LUZP2: variants seen among roughly 807,000 people sequenced by gnomAD.
The protein encoded by LUZP2 is leucine zipper protein 2.
A neutral mutation model predicts 51.6 loss-of-function variants in LUZP2; 52 were observed. That is an observed-to-expected ratio of 1.01 (90% confidence interval 0.81 to 1.27). The LOEUF (loss-of-function observed/expected upper bound fraction) is 1.27, where lower values mean the gene tolerates loss of function less well. Among genes scored for constraint, LUZP2 ranks in the 50% most tolerant of loss-of-function variants. The pLI, the probability that LUZP2 is intolerant of heterozygous loss-of-function variation, is 0.00. For missense variants in LUZP2, 436 were observed against 395.4 expected (o/e 1.10, Z -0.87); for synonymous variants, 154 against 137.3 (o/e 1.12, Z -0.85).
At chr11:24,973,565 G>T (rs1258170984) in intron 7 of LUZP2, among the ~76,000 whole-genome samples, 1 of 151,422 alleles carries the variant, frequency 6.6e-6, no homozygotes, top group Non-Finnish European at 1.5e-5. Flanking sequence ...TACTTTTTTT[G>T]ACGTGGGCTT....
At chr11:24,781,150 T>C (rs1452299400) in intron 5 of LUZP2, among the ~76,000 whole-genome samples, 1 of 152,104 alleles carries the variant, frequency 6.6e-6, no homozygotes, top group Non-Finnish European at 1.5e-5. Context: ...CTACCTCTTA[T>C]TTTTATTTCA....
intron 1 of LUZP2, among the ~76,000 whole-genome samples, chr11:24,513,301 T>C (rs1230150152): frequency 6.6e-6 from 1 of 152,166 alleles, no homozygotes; most frequent in Non-Finnish European, 1.5e-5. Flanking sequence ...CTTGATCATA[T>C]CTTAGCTAAA....
intron 5 of LUZP2, among the ~76,000 whole-genome samples, chr11:24,828,920 A>T (rs1272601324): frequency 6.6e-6 from 1 of 152,208 alleles, no homozygotes; most frequent in Admixed American, 6.5e-5. Context: ...CTCTGCAGGT[A>T]GGAGAGGGAC....
intron 9 of LUZP2, among the ~76,000 whole-genome samples, chr11:25,014,718 G>T (rs968827867): frequency 3.9e-5 from 6 of 152,128 alleles, no homozygotes; most frequent in Non-Finnish European, 8.8e-5. Flanking sequence ...CACTCTGATG[G>T]TAGTTTCTTT....
intron 1 of LUZP2, among the ~76,000 whole-genome samples, chr11:24,678,961 C>T (rs1274621225): frequency 6.6e-6 from 1 of 152,236 alleles, no homozygotes; most frequent in Non-Finnish European, 1.5e-5. Flanking sequence ...GGCATTTAGA[C>T]TAAGTGTTAT....
At chr11:24,948,026 T>C (rs1289858937) in intron 7 of LUZP2, among the ~76,000 whole-genome samples, 1 of 151,918 alleles carries the variant, frequency 6.6e-6, no homozygotes, top group Non-Finnish European at 1.5e-5. Flanking sequence ...ATATTTTCTG[T>C]TCCTTTCTTT....
chr11:25,081,000 C>T lies in LUZP2; in HGVS notation c.*2342C>T, dbSNP rs1254765226. 1 of 145,250 alleles carries T rather than the reference C, an allele frequency of 6.9e-6. No homozygotes were observed. The highest frequency in any genetic ancestry group is 6.9e-5 in the Admixed American group (1 of 14,416). 9.0% of individuals were successfully genotyped at this position (145,250 alleles called of 1,614,324 possible). On this transcript the variant is annotated 3_prime_UTR_variant, in exon 12 of 12. Transcript: ENST00000336930. ...CTAAATTCCTTTTATTAATTCCTGG[C>T]TTGATCAAGTGGGCTTTGGATCCAT...
rs923584730 is a variant in LUZP2, at chr11:24,999,177, C to T, written c.765+15884C>T. On this transcript the variant is annotated intron_variant, in intron 9 of 11. Coordinates refer to ENST00000336930, the MANE Select transcript of LUZP2 (RefSeq NM_001009909.4). ...TCTCATGCCTAAGAATTTTCACTTT[C>T]TATAGCCTCCAACTCTAATTATGAC... 2.6e-4 allele frequency among the ~76,000 whole-genome samples: 39 copies of T among 152,266 alleles called. 1 individual carries two copies. Among genetic ancestry groups the T allele is most frequent in the South Asian group, 2.1e-3 (10 of 4,824 alleles).
intron 5 of LUZP2, among the ~76,000 whole-genome samples, chr11:24,884,160 T>C (rs1167317494): frequency 6.6e-6 from 1 of 152,158 alleles, no homozygotes; most frequent in East Asian, 1.9e-4. Context: ...AAAGCTATTT[T>C]ATAAACCATA....
chr11:24,690,221 C>T (rs773253136), intron 1 of LUZP2, among the ~76,000 whole-genome samples: 2 of 151,802 alleles, frequency 1.3e-5, no homozygotes, highest in East Asian at 1.9e-4. Flanking sequence ...TCAGATACCT[C>T]AAACTTTTGG....
chr11:24,856,380 G>A (rs1165758680), intron 5 of LUZP2, among the ~76,000 whole-genome samples: 2 of 152,176 alleles, frequency 1.3e-5, no homozygotes, highest in East Asian at 1.9e-4. Context: ...AAACCAAAAT[G>A]AGATACCATC....
At chr11:24,953,024 C>CA (rs538814531) in intron 7 of LUZP2, among the ~76,000 whole-genome samples, 11 of 151,532 alleles carry the variant, frequency 7.3e-5, no homozygotes, top group Non-Finnish European at 1.3e-4. Context: ...GTGAAAATAA[C>CA]AAAAAAGTCT....
chr11:24,793,917 C>T (rs894736764), intron 5 of LUZP2, among the ~76,000 whole-genome samples: 4 of 145,896 alleles, frequency 2.7e-5, no homozygotes, highest in African/African-American at 1.0e-4. Flanking sequence ...TATATTCTGA[C>T]TAACCAATTA....
chr11:24,884,409 G>A (rs760379779), intron 5 of LUZP2, among the ~76,000 whole-genome samples: 1 of 151,920 alleles, frequency 6.6e-6, no homozygotes, highest in Non-Finnish European at 1.5e-5. Context: ...CTGGCACAAA[G>A]TAAACACTCC....
Position 24,983,005 on chromosome 11 carries a change from T to G in LUZP2, c.598-121T>G, listed in dbSNP as rs1470006902. On this transcript the variant is annotated intron_variant, in intron 8 of 11. Coordinates refer to ENST00000336930, the MANE Select transcript of LUZP2 (RefSeq NM_001009909.4). ...TAATGAAATTTATAAATTAGGCAAT[T>G]ACATTTGAAAAGTGATATGTATTTT... 26 of 900,284 alleles carry G rather than the reference T, an allele frequency of 2.9e-5. 1 individual carries two copies. The East Asian group carries it at 6.6e-4, about 23-fold the overall frequency. 55.8% of individuals were successfully genotyped at this position (900,284 alleles called of 1,614,324 possible).
chr11:24,520,791 A>G (rs567344007), intron 1 of LUZP2, among the ~76,000 whole-genome samples: 1 of 152,210 alleles, frequency 6.6e-6, no homozygotes, highest in African/African-American at 2.4e-5. Flanking sequence ...AGTGCAAAGC[A>G]GGTTTACTAA....
At chr11:25,006,961 A>C (rs1417932516) in intron 9 of LUZP2, among the ~76,000 whole-genome samples, 1 of 152,132 alleles carries the variant, frequency 6.6e-6, no homozygotes, top group Non-Finnish European at 1.5e-5. Flanking sequence ...GCCCAGCCAC[A>C]TCCTGCTGAT....
chr11:24,868,677 CT>C (rs1851965780), intron 5 of LUZP2, among the ~76,000 whole-genome samples: 1 of 152,068 alleles, frequency 6.6e-6, no homozygotes, highest in Admixed American at 6.6e-5. Context: ...TCATAAGTAC[CT>C]TCTTTGGGCC....
intron 7 of LUZP2, among the ~76,000 whole-genome samples, chr11:24,962,325 G>C (rs1173640644): frequency 6.6e-6 from 1 of 152,130 alleles, no homozygotes; most frequent in South Asian, 2.1e-4. Context: ...TTGCTAGATT[G>C]GGGAAGTTCT....
Sources: allele counts gnomAD v4.1 joint callset (sites outside exome capture counted in the v4.1 genomes callset), GRCh38; gene constraint gnomAD v4.1.1; transcripts MANE v1.5; gene names NCBI Gene and HGNC (gene_info 2026-07-23, HGNC 2026-07-21).